The following CAPN2 variants were observed in gnomAD, a reference collection of about 807,000 sequenced individuals.
CAPN2 encodes the protein calpain-2 catalytic subunit.
Under a neutral mutation model 102.3 loss-of-function variants are expected in CAPN2, and 92 were observed. The ratio of observed to expected loss-of-function variants is 0.90; its 90% CI spans 0.76 to 1.07. CAPN2 has a LOEUF of 1.07. CAPN2 is among the 50% of genes least tolerant of loss of function. CAPN2 has a pLI of 0.00. For missense variants in CAPN2, 800 were observed against 909.4 expected, an observed-to-expected ratio of 0.88 and a Z score of 1.55; for synonymous variants, 340 against 355.4, an observed-to-expected ratio of 0.96 and a Z score of 0.49.
intron 14 of CAPN2, among the ~76,000 whole-genome samples, chr1:223,763,922 G>C (rs1390615311): frequency 6.6e-6 from 1 of 152,122 alleles, no homozygotes; most frequent in Non-Finnish European, 1.5e-5. Flanking sequence ...CCCAGCCTGG[G>C]TGTTCTAAAA....
At chr1:223,714,732 TTTCA>T (rs1659831687) in intron 1 of CAPN2, among the ~76,000 whole-genome samples, 1 of 152,356 alleles carries the variant, frequency 6.6e-6, no homozygotes, top group East Asian at 1.9e-4. Flanking sequence ...TCACTTATTC[TTTCA>T]TTCATTCAGT....
intron 2 of CAPN2, among the ~76,000 whole-genome samples, chr1:223,736,078 A>G (rs1389712376): frequency 6.6e-6 from 1 of 152,046 alleles, no homozygotes; most frequent in East Asian, 1.9e-4. Context: ...CACCCAGCCT[A>G]CTCGGGACCT....
intron 12 of CAPN2, among the ~76,000 whole-genome samples, chr1:223,761,318 G>A (rs1661178934): frequency 6.6e-6 from 1 of 152,134 alleles, no homozygotes; most frequent in Admixed American, 6.5e-5. Flanking sequence ...CTTTATTTTT[G>A]CTGTTTAGGG....
intron 2 of CAPN2, among the ~76,000 whole-genome samples, chr1:223,740,723 G>A (rs1660591544): frequency 6.6e-6 from 1 of 152,210 alleles, no homozygotes; most frequent in Non-Finnish European, 1.5e-5. Flanking sequence ...ATTTAAGAAT[G>A]TTAGCACAGG....
At chr1:223,762,137 T>C in intron 13 of CAPN2, 49 bp from the exon 14 acceptor site, 2 of 1,510,312 alleles carry the variant, frequency 1.3e-6, no homozygotes, top group Non-Finnish European at 1.8e-6. Context: ...AGACACTTGG[T>C]GTCATGCCTC....
At chr1:223,753,710 C>T (rs1001801420) in intron 9 of CAPN2, among the ~76,000 whole-genome samples, 4 of 152,242 alleles carry the variant, frequency 2.6e-5, no homozygotes, top group Admixed American at 2.0e-4. Flanking sequence ...AAATTCGACA[C>T]TTGACCTCAG....
At chr1:223,763,308 A>G (rs1408095953) in intron 14 of CAPN2, among the ~76,000 whole-genome samples, 3 of 152,002 alleles carry the variant, frequency 2.0e-5, no homozygotes, top group African/African-American at 7.3e-5. Context: ...TCAAAGTACT[A>G]AGCCAGGCAT....
intron 20 of CAPN2, among the ~76,000 whole-genome samples, chr1:223,774,316 T>C (rs759434084): frequency 3.9e-5 from 6 of 152,170 alleles, no homozygotes; most frequent in Non-Finnish European, 7.3e-5. Context: ...TTTGCAAGGA[T>C]GAGCCATGTT....
intron 2 of CAPN2, among the ~76,000 whole-genome samples, chr1:223,724,248 G>A (rs533786600): frequency 1.2e-3 from 187 of 152,120 alleles, no homozygotes; most frequent in African/African-American, 4.4e-3. Context: ...ACCAGCCAAG[G>A]GACACTCATC....
At position 223,744,151 on chromosome 1, in the gene CAPN2, T is replaced by C. The variant is rs779691056; in HGVS notation, c.359T>C (p.Ile120Thr). The change falls in exon 3 of 21, where the codon ATC becomes ACC. Residue 120 changes from isoleucine to threonine, a missense_variant. By Grantham distance (89) the Ile-to-Thr change is moderately conservative. Coordinates refer to ENST00000295006, the MANE Select transcript of CAPN2 (RefSeq NM_001748.5). The part of the protein sequence containing the change: ...AIASLTLNEE[I>T]LARVVPLNQS... ...GCCTCCCTCACCTTGAATGAAGAAA[T>C]CCTGGCTCGAGTCGTCCCCCTAAAC... is the stretch of plus-strand genomic sequence containing the variant. 1.2e-6 allele frequency: 2 copies of C among 1,614,156 alleles called. No homozygotes were observed.
exon 1 of CAPN2, chr1:223,701,746 T>C (rs2404355): frequency 0.99 from 150,450 of 152,176 alleles, 74,395 homozygotes; most frequent in Middle Eastern, 1. Context: ...GGTGCAGTGG[T>C]TCACGCCTGT....
chr1:223,772,083 T>G (rs1661491771), intron 19 of CAPN2, 98 bp from the exon 20 acceptor site: 1 of 1,208,568 alleles, frequency 8.3e-7, no homozygotes, highest in Admixed American at 1.7e-5. Flanking sequence ...AGAAAGCATG[T>G]ATGGTGGTCA....
chr1:223,741,804 TCTCA>T (rs1647836312), intron 2 of CAPN2, among the ~76,000 whole-genome samples: 1 of 149,226 alleles, frequency 6.7e-6, no homozygotes, highest in Non-Finnish European at 1.5e-5. Context: ...GGGCACAGAG[TCTCA>T]CTCTGTTGCC....
intron 12 of CAPN2, among the ~76,000 whole-genome samples, chr1:223,760,886 A>G (rs997157258): frequency 6.6e-5 from 10 of 152,224 alleles, no homozygotes. Flanking sequence ...GGCCCTGCTG[A>G]TAGGACTCTT....
At position 223,751,978 on chromosome 1, in the gene CAPN2, T is replaced by A. The variant is rs749485210; in HGVS notation, c.900-19T>A. Reference sequence around the variant, plus strand: ...AAATCATCGTACACTAACGCCTCTCTCTTTACTTTGTTTTCCAGCTGCCCA... The same window carrying A: ...AAATCATCGTACACTAACGCCTCTCACTTTACTTTGTTTTCCAGCTGCCCA... On this transcript the variant is annotated intron_variant, in intron 7 of 20. Coordinates refer to ENST00000295006, the MANE Select transcript of CAPN2 (RefSeq NM_001748.5). The A allele has an allele frequency of 6.4e-7, 1 of 1,568,936 alleles. No individual in the cohort carries two copies. Among genetic ancestry groups the A allele is most frequent in the South Asian group, 1.1e-5 (1 of 88,008 alleles).
chr1:223,770,364 AT>A, intron 17 of CAPN2, 82 bp from the exon 18 acceptor site: 1 of 851,524 alleles, frequency 1.2e-6, no homozygotes. Flanking sequence ...GAAAAACTTC[AT>A]CCCCACTCAG....
At chr1:223,730,023 A>AAAAAAAAAAAAAC (rs1660296433) in intron 2 of CAPN2, among the ~76,000 whole-genome samples, 1 of 151,280 alleles carries the variant, frequency 6.6e-6, no homozygotes, top group Non-Finnish European at 1.5e-5. Flanking sequence ...AAAAAAAAAA[A>AAAAAAAAAAAAAC]AAAAAAAAAA....
intron 2 of CAPN2, among the ~76,000 whole-genome samples, chr1:223,738,114 A>G (rs533945429): frequency 2.6e-5 from 4 of 152,218 alleles, no homozygotes; most frequent in Non-Finnish European, 4.4e-5. Context: ...AAATAAACTT[A>G]TCAGAATCAG....
chr1:223,773,263 A>C (rs760330068), intron 20 of CAPN2: 1 of 152,250 alleles, frequency 6.6e-6, no homozygotes, highest in Non-Finnish European at 1.5e-5. Context: ...TCTCTAAAAA[A>C]ATAAAAAATT....
Sources: allele counts gnomAD v4.1 joint callset (sites outside exome capture counted in the v4.1 genomes callset), GRCh38; gene constraint gnomAD v4.1.1; transcripts MANE v1.5; gene names NCBI Gene and HGNC (gene_info 2026-07-23, HGNC 2026-07-21).